Variants in RAPGEF5 observed in about 807,000 individuals in gnomAD.
The protein encoded by RAPGEF5 is Rap guanine nucleotide exchange factor 5.
In RAPGEF5, 65 loss-of-function variants were observed where a neutral mutation model predicts 125.2. That is an observed-to-expected ratio of 0.52 (90% confidence interval 0.43 to 0.64). RAPGEF5 has a LOEUF of 0.64. Ranked by LOEUF, RAPGEF5 falls within the 30% of genes least tolerant of loss-of-function variation. The pLI is 0.00. For synonymous variants in RAPGEF5, 391 were observed against 385.9 expected (o/e 1.01, Z -0.16); for missense variants, 958 against 1,048.1 (o/e 0.91, Z 1.19).
chr7:22,255,099 T>C (rs576716549), intron 7 of RAPGEF5, among the ~76,000 whole-genome samples: 2 of 152,220 alleles, frequency 1.3e-5, no homozygotes, highest in East Asian at 3.9e-4. Context: ...TAGCAGGTTG[T>C]TGAAACCATA....
In RAPGEF5 at chr7:22,267,401, C is replaced by T. The variant is rs143070030; in HGVS notation, c.748-389G>A. On this transcript the variant is annotated intron_variant, in intron 6 of 25. Coordinates refer to ENST00000665637, the MANE Select transcript of RAPGEF5 (RefSeq NM_012294.5). ...AAATATTACTTATCCCTCAAAGATGCTAGTTTATAAAGAAATTCTAGTAAA... is the reference window on the plus strand; with the variant it reads ...AAATATTACTTATCCCTCAAAGATGTTAGTTTATAAAGAAATTCTAGTAAA... 2.1e-3 allele frequency among the ~76,000 whole-genome samples: 323 copies of T among 152,158 alleles called. 4 individuals carry two copies. The highest frequency in any genetic ancestry group is 4.9e-4 in the Non-Finnish European group (33 of 68,004).
intron 17 of RAPGEF5, among the ~76,000 whole-genome samples, chr7:22,151,705 C>T (rs886191150): frequency 2.0e-5 from 3 of 152,084 alleles, no homozygotes; most frequent in Admixed American, 6.5e-5. Context: ...CTCAAGTGAT[C>T]CGCCTGCCTT....
intron 7 of RAPGEF5, among the ~76,000 whole-genome samples, chr7:22,236,957 G>A (rs1279786359): frequency 6.6e-6 from 1 of 152,160 alleles, no homozygotes; most frequent in Non-Finnish European, 1.5e-5. Context: ...CCCTCAACCT[G>A]GCCTCAAAGG....
intron 2 of RAPGEF5, among the ~76,000 whole-genome samples, chr7:22,316,850 T>C (rs1428475815): frequency 2.6e-5 from 4 of 151,822 alleles, no homozygotes; most frequent in Non-Finnish European, 4.4e-5. Context: ...ATAATGATTA[T>C]GATTTGACCA....
At chr7:22,131,737 T>G (rs1445874437) in intron 23 of RAPGEF5, among the ~76,000 whole-genome samples, 2 of 152,156 alleles carry the variant, frequency 1.3e-5, no homozygotes, top group African/African-American at 2.4e-5. Context: ...GAAAGTGCAT[T>G]TTCAGAGGAA....
At chr7:22,350,941 T>C (rs936197531) in intron 1 of RAPGEF5, among the ~76,000 whole-genome samples, 1 of 152,206 alleles carries the variant, frequency 6.6e-6, no homozygotes, top group Non-Finnish European at 1.5e-5. Context: ...AAGTTCACTA[T>C]GTGTCCCTCA....
chr7:22,239,052 A>C (rs1475935568), intron 7 of RAPGEF5, among the ~76,000 whole-genome samples: 1 of 152,218 alleles, frequency 6.6e-6, no homozygotes, highest in East Asian at 1.9e-4. Flanking sequence ...AGAACTAAGG[A>C]ATCTGATGTT....
At chr7:22,128,507 C>T (rs1782816177) in intron 24 of RAPGEF5, among the ~76,000 whole-genome samples, 1 of 152,192 alleles carries the variant, frequency 6.6e-6, no homozygotes, top group Non-Finnish European at 1.5e-5. Flanking sequence ...GGTTCATTAT[C>T]GTGAAAGATG....
At chr7:22,179,141 A>T (rs938140308) in intron 11 of RAPGEF5, among the ~76,000 whole-genome samples, 1 of 152,212 alleles carries the variant, frequency 6.6e-6, no homozygotes, top group African/African-American at 2.4e-5. Flanking sequence ...TTATGTCACA[A>T]TAATAGAATA....
At chr7:22,312,774 G>T (rs1267787608) in intron 3 of RAPGEF5, among the ~76,000 whole-genome samples, 1 of 152,158 alleles carries the variant, frequency 6.6e-6, no homozygotes, top group Non-Finnish European at 1.5e-5. Context: ...CACATATAAG[G>T]ATCCACCTAC....
At chr7:22,295,186 A>G (rs1783031615) in intron 5 of RAPGEF5, among the ~76,000 whole-genome samples, 1 of 152,152 alleles carries the variant, frequency 6.6e-6, no homozygotes, top group African/African-American at 2.4e-5. Flanking sequence ...TGAGAATTAG[A>G]TTTTTCTTGA....
chr7:22,168,080 T>A (rs1248339168), intron 11 of RAPGEF5, among the ~76,000 whole-genome samples: 3 of 151,574 alleles, frequency 2.0e-5, no homozygotes, highest in Admixed American at 2.0e-4. Context: ...AATAAATTAT[T>A]AGAGTAATTA....
rs1562709063 is a variant in RAPGEF5, at chr7:22,136,989, A to C, written c.2278-6T>G. On this transcript the variant is annotated splice_region_variant and splice_polypyrimidine_tract_variant and intron_variant, in intron 21 of 25. Transcript: ENST00000665637. ...TTAAACTTCCCAGGGATTTTCTAAA[A>C]AACAAACACAAACAAAAAACAGAAG... 6.4e-7 allele frequency: 1 copy of C among 1,560,258 alleles called. No individual in the cohort carries two copies. Among genetic ancestry groups the C allele is most frequent in the Non-Finnish European group, 8.7e-7 (1 of 1,145,354 alleles).
At chr7:22,257,314 A>G (rs1786786597) in intron 7 of RAPGEF5, among the ~76,000 whole-genome samples, 1 of 152,208 alleles carries the variant, frequency 6.6e-6, no homozygotes, top group South Asian at 2.1e-4. Context: ...CATAGAAAAC[A>G]CCATTCTGCA....
intron 9 of RAPGEF5, among the ~76,000 whole-genome samples, chr7:22,199,133 T>C (rs933016256): frequency 2.0e-5 from 3 of 152,218 alleles, no homozygotes; most frequent in Non-Finnish European, 4.4e-5. Flanking sequence ...CTGGATGGCC[T>C]GTCTGGTTTG....
chr7:22,274,354 G>A (rs1583539405), intron 6 of RAPGEF5, among the ~76,000 whole-genome samples: 1 of 151,964 alleles, frequency 6.6e-6, no homozygotes, highest in East Asian at 1.9e-4. Context: ...TTTTGAGACT[G>A]GGTCTCACTC....
chr7:22,304,004 G>A (rs1297291691), intron 5 of RAPGEF5, among the ~76,000 whole-genome samples: 1 of 152,178 alleles, frequency 6.6e-6, no homozygotes, highest in Non-Finnish European at 1.5e-5. Context: ...GATCATGCAT[G>A]TGCAACCATA....
chr7:22,143,201 TA>T (rs1183084118), intron 20 of RAPGEF5, among the ~76,000 whole-genome samples: 3 of 152,134 alleles, frequency 2.0e-5, no homozygotes, highest in Non-Finnish European at 4.4e-5. Context: ...CAAATTTTTT[TA>T]AAAAAGCATT....
At chr7:22,301,043 G>A (rs1448500773) in intron 5 of RAPGEF5, among the ~76,000 whole-genome samples, 1 of 152,226 alleles carries the variant, frequency 6.6e-6, no homozygotes, top group African/African-American at 2.4e-5. Flanking sequence ...TCACACCTGT[G>A]TAGGTCACTT....
Sources: allele counts gnomAD v4.1 joint callset (sites outside exome capture counted in the v4.1 genomes callset), GRCh38; gene constraint gnomAD v4.1.1; transcripts MANE v1.5; gene names NCBI Gene and HGNC (gene_info 2026-07-23, HGNC 2026-07-21).